The following EBF1 variants were observed in gnomAD, a reference collection of about 807,000 sequenced individuals.
EBF1 encodes the protein EBF transcription factor 1.
A neutral mutation model predicts 68.4 loss-of-function variants in EBF1; 10 were observed. That is an observed-to-expected ratio of 0.15 (90% confidence interval 0.09 to 0.25). The LOEUF (loss-of-function observed/expected upper bound fraction) is 0.25, where lower values mean the gene tolerates loss of function less well. Among genes scored for constraint, EBF1 ranks in the 10% least tolerant of loss-of-function variants. The pLI, the probability that EBF1 is intolerant of heterozygous loss-of-function variation, is 1.00. For missense variants in EBF1, 509 were observed against 794.4 expected (o/e 0.64, Z 4.32); for synonymous variants, 298 against 299.8 (o/e 0.99, Z 0.06).
At chr5:158,785,087 A>C (rs1235813141) in intron 9 of EBF1, among the ~76,000 whole-genome samples, 1 of 152,202 alleles carries the variant, frequency 6.6e-6, no homozygotes, top group Non-Finnish European at 1.5e-5. Context: ...TAGGATAATA[A>C]TATCCATCTC....
chr5:158,912,976 A>G (rs75153286), intron 6 of EBF1, among the ~76,000 whole-genome samples: 2 of 152,216 alleles, frequency 1.3e-5, no homozygotes, highest in African/African-American at 4.8e-5. Flanking sequence ...TATTCCTGGC[A>G]TCACTTTTGG....
At chr5:158,881,705 A>T (rs1398054824) in intron 6 of EBF1, among the ~76,000 whole-genome samples, 1 of 152,202 alleles carries the variant, frequency 6.6e-6, no homozygotes, top group Non-Finnish European at 1.5e-5. Flanking sequence ...CCTTGCTTGC[A>T]ACCAAGTGAT....
chr5:158,840,673 G>GTT lies in EBF1; in HGVS notation c.555-565_555-564dup, dbSNP rs1554157163. Among the ~76,000 whole-genome samples, 11 of 68,910 alleles carry GTT rather than the reference G, an allele frequency of 1.6e-4. No individual in the cohort carries two copies. In the East Asian group the frequency reaches 2.0e-3, roughly 12 times the overall value. 45.2% of individuals were successfully genotyped at this position (68,910 alleles called of 152,430 possible). On this transcript the variant is annotated intron_variant, in intron 6 of 15. Transcript: ENST00000313708. ...TTTTTTTTTTTTTTTTTTTTTTTTT[G>GTT]TTTTTTTTTTTTTTTTGAGACGGAG... is the stretch of plus-strand genomic sequence containing the variant.
At chr5:159,016,019 C>T (rs1765553607) in intron 6 of EBF1, among the ~76,000 whole-genome samples, 1 of 152,204 alleles carries the variant, frequency 6.6e-6, no homozygotes. Context: ...TCTAACTATC[C>T]TGTCTTTAAG....
intron 6 of EBF1, among the ~76,000 whole-genome samples, chr5:159,003,925 C>A (rs1182199248): frequency 6.6e-6 from 1 of 152,162 alleles, no homozygotes; most frequent in Non-Finnish European, 1.5e-5. Flanking sequence ...CTGTGAGACA[C>A]TAAAATGTTG....
intron 6 of EBF1, among the ~76,000 whole-genome samples, chr5:158,889,999 T>A (rs1349160928): frequency 6.6e-6 from 1 of 152,206 alleles, no homozygotes; most frequent in Non-Finnish European, 1.5e-5. Flanking sequence ...GCAAATATTA[T>A]GACATTTTAT....
intron 6 of EBF1, among the ~76,000 whole-genome samples, chr5:159,021,100 G>A (rs1248048834): frequency 6.6e-6 from 1 of 152,158 alleles, no homozygotes; most frequent in East Asian, 1.9e-4. Context: ...TTCGAGCTCA[G>A]TAGCAACTTT....
chr5:158,966,745 C>T (rs1338134607), intron 6 of EBF1, among the ~76,000 whole-genome samples: 1 of 152,162 alleles, frequency 6.6e-6, no homozygotes, highest in African/African-American at 2.4e-5. Context: ...ACTTGTCCCC[C>T]CGAAAGACAG....
At chr5:158,937,380 A>G (rs2127458802) in intron 6 of EBF1, among the ~76,000 whole-genome samples, 1 of 152,278 alleles carries the variant, frequency 6.6e-6, no homozygotes, top group East Asian at 1.9e-4. Context: ...GACAGAAATC[A>G]AAGAAGGGAA....
intron 6 of EBF1, among the ~76,000 whole-genome samples, chr5:159,067,054 T>C (rs545310541): frequency 1.3e-5 from 2 of 152,256 alleles, no homozygotes; most frequent in South Asian, 4.2e-4. Context: ...TTTTTAAATC[T>C]GGTCAATTTT....
At chr5:158,861,515 C>G (rs886425320) in intron 6 of EBF1, among the ~76,000 whole-genome samples, 1 of 152,114 alleles carries the variant, frequency 6.6e-6, no homozygotes, top group African/African-American at 2.4e-5. Flanking sequence ...CAAAATAAAC[C>G]CCATGTTTAT....
intron 6 of EBF1, among the ~76,000 whole-genome samples, chr5:158,869,939 G>C (rs1003455440): frequency 1.3e-5 from 2 of 152,144 alleles, no homozygotes; most frequent in Non-Finnish European, 2.9e-5. Flanking sequence ...GGCTGTTGAA[G>C]AAAGCCAAGA....
chr5:158,912,884 A>AAC (rs1806322408), intron 6 of EBF1, among the ~76,000 whole-genome samples: 1 of 152,244 alleles, frequency 6.6e-6, no homozygotes, highest in Non-Finnish European at 1.5e-5. Context: ...TGCAGGTAGT[A>AAC]TAGATGCTGA....
At chr5:159,044,716 G>C (rs1233278749) in intron 6 of EBF1, among the ~76,000 whole-genome samples, 1 of 152,172 alleles carries the variant, frequency 6.6e-6, no homozygotes, top group Admixed American at 6.5e-5. Flanking sequence ...ATTACTCACT[G>C]TTGTTGTCAT....
chr5:158,892,794 A>T (rs1431570184), intron 6 of EBF1, among the ~76,000 whole-genome samples: 1 of 152,180 alleles, frequency 6.6e-6, no homozygotes, highest in Non-Finnish European at 1.5e-5. Flanking sequence ...CATTTTACAA[A>T]AAAAGAAAGA....
At chr5:158,889,914 T>C (rs1392107313) in intron 6 of EBF1, among the ~76,000 whole-genome samples, 2 of 152,186 alleles carry the variant, frequency 1.3e-5, no homozygotes, top group Non-Finnish European at 2.9e-5. Flanking sequence ...ACAATTCACA[T>C]AGCATTTACA....
intron 4 of EBF1, among the ~76,000 whole-genome samples, chr5:159,091,844 A>G (rs1327455560): frequency 1.3e-5 from 2 of 152,164 alleles, no homozygotes; most frequent in African/African-American, 4.8e-5. Flanking sequence ...TCCTCACTAC[A>G]TCATCTACTT....
chr5:158,724,105 A>G (rs1762484754), intron 11 of EBF1, among the ~76,000 whole-genome samples: 1 of 152,116 alleles, frequency 6.6e-6, no homozygotes, highest in Admixed American at 6.5e-5. Flanking sequence ...TAGATACAGG[A>G]GAGAGTGGGG....
chr5:158,964,814 T>C (rs570841760), intron 6 of EBF1, among the ~76,000 whole-genome samples: 1 of 152,314 alleles, frequency 6.6e-6, no homozygotes, highest in East Asian at 1.9e-4. Context: ...GGAGCAACTT[T>C]CCATTTTTTA....
Sources: gnomAD v4.1 joint callset for allele counts (sites outside exome capture counted in the v4.1 genomes callset) on GRCh38, gnomAD v4.1.1 for gene constraint, MANE v1.5 for transcripts, NCBI Gene and HGNC (gene_info 2026-07-23, HGNC 2026-07-21) for gene names.